Variants in TBC1D5 observed in about 807,000 individuals in gnomAD.
TBC1D5 encodes TBC1 domain family member 5, also known as TBC1 domain family, member 5.
A neutral mutation model predicts 100.3 loss-of-function variants in TBC1D5; 75 were observed. The observed-to-expected ratio is 0.75, with a 90% confidence interval of 0.62 to 0.91. The LOEUF is 0.91. TBC1D5 is among the 40% of genes least tolerant of loss of function. TBC1D5 has a pLI of 0.00. For synonymous variants in TBC1D5, 323 were observed against 325.6 expected (o/e 0.99, Z 0.09); for missense variants, 910 against 942.4 (o/e 0.97, Z 0.45).
chr3:17,656,641 TA>T (rs2066089807), intron 1 of TBC1D5, among the ~76,000 whole-genome samples: 1 of 152,068 alleles, frequency 6.6e-6, no homozygotes, highest in Admixed American at 6.6e-5. Context: ...CAATCCAAAG[TA>T]AAACAGAAAT....
intron 13 of TBC1D5, among the ~76,000 whole-genome samples, chr3:17,358,416 C>A (rs987030189): frequency 6.6e-6 from 1 of 152,060 alleles, no homozygotes; most frequent in Non-Finnish European, 1.5e-5. Context: ...GAACTCCCGA[C>A]CTCAGGTGAT....
At chr3:17,157,285 G>A (rs2065665664) in exon 22 of TBC1D5, 1 of 152,188 alleles carries the variant, frequency 6.6e-6, no homozygotes, top group Admixed American at 6.5e-5. Flanking sequence ...AAAGCGATAG[G>A]GCATACATGG....
At chr3:17,439,915 G>C (rs1467232407) in intron 3 of TBC1D5, among the ~76,000 whole-genome samples, 3 of 152,026 alleles carry the variant, frequency 2.0e-5, no homozygotes, top group African/African-American at 7.3e-5. Context: ...TCATTACCTA[G>C]ACAAACTGTA....
intron 16 of TBC1D5, among the ~76,000 whole-genome samples, chr3:17,246,461 A>G (rs2076745005): frequency 6.6e-6 from 1 of 152,200 alleles, no homozygotes; most frequent in Non-Finnish European, 1.5e-5. Flanking sequence ...AGGAACTAGA[A>G]TAGTGAAAGT....
chr3:17,328,205 G>A (rs1449925347), intron 13 of TBC1D5, among the ~76,000 whole-genome samples: 3 of 151,932 alleles, frequency 2.0e-5, no homozygotes, highest in African/African-American at 4.8e-5. Context: ...GGGAGGTTGA[G>A]GCCACAGTGA....
At chr3:17,499,563 C>T (rs1184250694) in intron 3 of TBC1D5, among the ~76,000 whole-genome samples, 6 of 148,412 alleles carry the variant, frequency 4.0e-5, no homozygotes, top group South Asian at 2.1e-4. Flanking sequence ...GGTGTGGTGA[C>T]GCATTCCTAT....
chr3:17,437,242 A>G (rs2094551883), intron 3 of TBC1D5, among the ~76,000 whole-genome samples: 1 of 152,114 alleles, frequency 6.6e-6, no homozygotes, highest in African/African-American at 2.4e-5. Context: ...TGAGAAATAA[A>G]ATTATTTTAT....
At chr3:17,195,612 C>T (rs2070558335) in intron 18 of TBC1D5, among the ~76,000 whole-genome samples, 1 of 152,194 alleles carries the variant, frequency 6.6e-6, no homozygotes, top group African/African-American at 2.4e-5. Context: ...GGCTAACTGA[C>T]CTCTATAATG....
intron 13 of TBC1D5, among the ~76,000 whole-genome samples, chr3:17,355,045 T>C (rs17272985): frequency 1.3e-5 from 2 of 152,126 alleles, no homozygotes; most frequent in African/African-American, 4.8e-5. Flanking sequence ...TCTGGCCAAC[T>C]GGACTGTAGT....
In TBC1D5 at chr3:17,420,075, C is replaced by T. The variant is rs180695889; in HGVS notation, c.167+8375G>A. Among the ~76,000 whole-genome samples the T allele has an allele frequency of 5.9e-5, 9 of 152,114 alleles. No homozygotes were observed. In the East Asian group the frequency reaches 1.7e-3, roughly 29 times the overall value. On this transcript the variant is annotated intron_variant, in intron 4 of 21. Coordinates refer to ENST00000253692, the Ensembl canonical transcript of TBC1D5. ...TTCCATGTTTTTCTCCCTGCTAGAT[C>T]ATGAGTGCCCCAAGGGCAGGGTCTG... is the stretch of plus-strand genomic sequence containing the variant.
rs904018070 is a variant in TBC1D5 at position 17,434,986 on chromosome 3, G to C, written c.98-6467C>G. ...GGCAGGGGCAAAATGCCACCAGTCT[G>C]TTTGCATAGCAAGAGTTAACTTTAT... On this transcript the variant is annotated intron_variant, in intron 3 of 21. Coordinates refer to ENST00000253692, the Ensembl canonical transcript of TBC1D5. Among the ~76,000 whole-genome samples, 3 of 152,194 alleles carry C rather than the reference G, an allele frequency of 2.0e-5. No individual in the cohort carries two copies. In the East Asian group the frequency reaches 5.8e-4, roughly 29 times the overall value.
intron 2 of TBC1D5, among the ~76,000 whole-genome samples, chr3:17,598,304 A>G (rs75114096): frequency 0.021 from 3,179 of 152,340 alleles, 46 homozygotes; most frequent in Non-Finnish European, 0.033. Context: ...AAAGACAAGT[A>G]TATTTTATAT....
At chr3:17,230,162 C>G (rs1407915371) in intron 17 of TBC1D5, among the ~76,000 whole-genome samples, 1 of 152,108 alleles carries the variant, frequency 6.6e-6, no homozygotes, top group African/African-American at 2.4e-5. Flanking sequence ...TCTTCCCTCA[C>G]TCTTGTGAGT....
At chr3:17,623,194 G>T (rs1277551355) in intron 2 of TBC1D5, among the ~76,000 whole-genome samples, 6 of 152,164 alleles carry the variant, frequency 3.9e-5, no homozygotes, top group African/African-American at 1.4e-4. Context: ...AAATTTTGAT[G>T]AAACACAGAT....
chr3:17,494,867 C>A (rs1020972910), intron 3 of TBC1D5, among the ~76,000 whole-genome samples: 2 of 152,198 alleles, frequency 1.3e-5, no homozygotes, highest in South Asian at 2.1e-4. Context: ...AGAGTCTGCA[C>A]AGCTCCGTGC....
At chr3:17,654,322 G>A (rs1350050056) in intron 1 of TBC1D5, among the ~76,000 whole-genome samples, 2 of 152,026 alleles carry the variant, frequency 1.3e-5, no homozygotes, top group Non-Finnish European at 2.9e-5. Context: ...GACACATAAT[G>A]AAATGATTGA....
intron 15 of TBC1D5, among the ~76,000 whole-genome samples, chr3:17,276,499 G>A (rs939692971): frequency 1.3e-5 from 2 of 152,192 alleles, no homozygotes; most frequent in African/African-American, 4.8e-5. Context: ...GAGACATGCC[G>A]GCTTTACATA....
At chr3:17,331,665 G>A (rs894833115) in intron 13 of TBC1D5, among the ~76,000 whole-genome samples, 1 of 152,186 alleles carries the variant, frequency 6.6e-6, no homozygotes, top group African/African-American at 2.4e-5. Flanking sequence ...TGTAGTGGAG[G>A]AGCCAGAATG....
chr3:17,691,420 TGATCCAATAAATTTCATAGGA>T (rs2071137763), intron 1 of TBC1D5, among the ~76,000 whole-genome samples: 1 of 152,232 alleles, frequency 6.6e-6, no homozygotes, highest in South Asian at 2.1e-4. Context: ...ACTACTTGTA[TGATCCAATAAATTTCATAGGA>T]GATCCAATAA....
Sources: allele counts gnomAD v4.1 joint callset (sites outside exome capture counted in the v4.1 genomes callset), GRCh38; gene constraint gnomAD v4.1.1; transcripts MANE v1.5; gene names NCBI Gene and HGNC (gene_info 2026-07-23, HGNC 2026-07-21).